PTDSS1: variants seen among roughly 807,000 people sequenced by gnomAD.
PTDSS1 encodes phosphatidylserine synthase 1.
In PTDSS1, 45 loss-of-function variants were observed where a neutral mutation model predicts 70.5. That is an observed-to-expected ratio of 0.64 (90% CI 0.50 to 0.82). PTDSS1 has a LOEUF of 0.82. Among genes scored for constraint, PTDSS1 ranks in the 40% least tolerant of loss-of-function variants. The pLI is 0.00. For synonymous variants in PTDSS1, 188 were observed against 203.8 expected (o/e 0.92, Z 0.66); for missense variants, 417 against 586.1 (o/e 0.71, Z 2.98).
rs1360525782 is a variant in PTDSS1 at position 96,296,288 on chromosome 8, G to A, written c.600+1032G>A. On this transcript the variant is annotated intron_variant, in intron 5 of 12. Transcript: ENST00000517309. The stretch of plus-strand genomic sequence containing the variant: ...CGAGTAGCTGGAACTACAGGCGTGT[G>A]CCACCACGCCCAGCTAATTTTTGGT... Among the ~76,000 whole-genome samples the A allele has an allele frequency of 2.6e-5, 4 of 151,946 alleles. No homozygotes were observed. The East Asian group carries it at 5.8e-4, about 22-fold the overall frequency.
At chr8:96,316,373 G>A (rs924405851) in intron 9 of PTDSS1, among the ~76,000 whole-genome samples, 1 of 152,166 alleles carries the variant, frequency 6.6e-6, no homozygotes, top group African/African-American at 2.4e-5. Flanking sequence ...AGACACCATG[G>A]AATAATACAC....
At chr8:96,325,817 G>A (rs2130172507) in intron 10 of PTDSS1, among the ~76,000 whole-genome samples, 1 of 152,298 alleles carries the variant, frequency 6.6e-6, no homozygotes, top group Non-Finnish European at 1.5e-5. Flanking sequence ...AGATAAGCAA[G>A]ATAGAGGAAA....
In PTDSS1 at chr8:96,272,456, A is replaced by G. The variant is rs558930050; in HGVS notation, c.180-843A>G. ...AACCTACATATTGTGTGTCCTGTCA[A>G]TGTCTTTTATACCAACCCTGTGCCT... is the stretch of plus-strand genomic sequence containing the variant. On this transcript the variant is annotated intron_variant, in intron 1 of 12. Coordinates refer to ENST00000517309, the MANE Select transcript of PTDSS1 (RefSeq NM_014754.3). Among the ~76,000 whole-genome samples the G allele has an allele frequency of 7.2e-5, 11 of 152,294 alleles. No individual in the cohort carries two copies. In the South Asian group the frequency reaches 8.3e-4, roughly 11 times the overall value.
intron 2 of PTDSS1, among the ~76,000 whole-genome samples, chr8:96,276,983 C>CAT (rs1246934589): frequency 1.2e-3 from 67 of 55,470 alleles, no homozygotes; most frequent in Non-Finnish European, 3.0e-3. Context: ...CGCGCGCGCA[C>CAT]ACACACACAC....
At chr8:96,264,588 A>G (rs1457901332) in intron 1 of PTDSS1, among the ~76,000 whole-genome samples, 4 of 152,208 alleles carry the variant, frequency 2.6e-5, no homozygotes, top group Non-Finnish European at 4.4e-5. Flanking sequence ...TAGAAAAATA[A>G]TTATGGTATT....
intron 9 of PTDSS1, among the ~76,000 whole-genome samples, chr8:96,319,684 A>G (rs564786529): frequency 1.1e-4 from 17 of 152,314 alleles, no homozygotes; most frequent in African/African-American, 3.8e-4. Context: ...CCTGTGTGGC[A>G]GCCACCTAGC....
chr8:96,270,569 G>A (rs572305139), intron 1 of PTDSS1, among the ~76,000 whole-genome samples: 11 of 152,256 alleles, frequency 7.2e-5, no homozygotes, highest in South Asian at 2.1e-4. Context: ...CTCTGCTCTC[G>A]AAACTCACAG....
chr8:96,267,829 G>A (rs531405254), intron 1 of PTDSS1, among the ~76,000 whole-genome samples: 2 of 152,214 alleles, frequency 1.3e-5, no homozygotes, highest in South Asian at 2.1e-4. Flanking sequence ...GGCAGCTCAC[G>A]TGTCCCATAC....
intron 9 of PTDSS1, among the ~76,000 whole-genome samples, chr8:96,316,853 G>A (rs1039283561): frequency 1.3e-5 from 2 of 151,970 alleles, no homozygotes; most frequent in Non-Finnish European, 2.9e-5. Context: ...AATTAGCCAG[G>A]TGTGGTGGCA....
At chr8:96,272,313 ATCTT>A (rs1810578184) in intron 1 of PTDSS1, among the ~76,000 whole-genome samples, 1 of 151,854 alleles carries the variant, frequency 6.6e-6, no homozygotes, top group Non-Finnish European at 1.5e-5. Context: ...AATTTTTTGA[ATCTT>A]TAATTTTAAT....
chr8:96,288,676 C>T (rs1266687702), intron 4 of PTDSS1, among the ~76,000 whole-genome samples: 1 of 133,864 alleles, frequency 7.5e-6, no homozygotes, highest in East Asian at 2.2e-4. Flanking sequence ...GTCGCCCAGG[C>T]TGGAGCACAG....
At chr8:96,270,773 AG>A (rs1308119415) in intron 1 of PTDSS1, among the ~76,000 whole-genome samples, 23 of 152,218 alleles carry the variant, frequency 1.5e-4, no homozygotes, top group African/African-American at 5.3e-4. Context: ...CCAACTTTTC[AG>A]AACCACCTGC....
At chr8:96,314,716 C>T (rs1811260643) in intron 9 of PTDSS1, among the ~76,000 whole-genome samples, 1 of 152,324 alleles carries the variant, frequency 6.6e-6, no homozygotes, top group South Asian at 2.1e-4. Context: ...CCTGCCTCAG[C>T]GTCCTGAGTA....
At chr8:96,287,341 A>C in intron 4 of PTDSS1, 195 bp downstream of exon 4, 1 of 664,066 alleles carries the variant, frequency 1.5e-6, no homozygotes, top group African/African-American at 1.8e-5. Flanking sequence ...AAATCCTCTC[A>C]TTACGCAAAG....
At chr8:96,295,798 G>A (rs1318375709) in intron 5 of PTDSS1, among the ~76,000 whole-genome samples, 2 of 152,154 alleles carry the variant, frequency 1.3e-5, no homozygotes, top group Non-Finnish European at 1.5e-5. Flanking sequence ...ACTCATTATT[G>A]TTCTATTATT....
At chr8:96,291,349 A>G (rs1810900246) in intron 4 of PTDSS1, among the ~76,000 whole-genome samples, 1 of 152,194 alleles carries the variant, frequency 6.6e-6, no homozygotes, top group African/African-American at 2.4e-5. Flanking sequence ...ACCCAGTGTC[A>G]GTATTATTGA....
At chr8:96,293,149 G>A (rs1421790829) in intron 4 of PTDSS1, among the ~76,000 whole-genome samples, 4 of 152,204 alleles carry the variant, frequency 2.6e-5, no homozygotes, top group East Asian at 1.9e-4. Context: ...CTCTGTAGTC[G>A]TAAGCTAGAT....
chr8:96,306,532 G>T lies in PTDSS1; in HGVS notation c.983G>T (p.Gly328Val). 6.2e-7 allele frequency: 1 copy of T among 1,613,328 alleles called. No individual in the cohort carries two copies. Among genetic ancestry groups the T allele is most frequent in the Non-Finnish European group, 8.5e-7 (1 of 1,179,374 alleles). The change falls in exon 8 of 13, where the codon GGT becomes GTT. Residue 328 changes from glycine to valine, a missense_variant. Gly to Val is a moderately radical substitution (Grantham distance 109, BLOSUM62 -3). Around this residue, in one of 3 missense-constraint regions of PTDSS1, gnomAD observed 272 missense variants for 429.5 expected, o/e 0.63. Coordinates refer to ENST00000517309, the MANE Select transcript of PTDSS1 (RefSeq NM_014754.3). ...PLSWGRILFI[G>V]GITAPTVRQY... ...AGTTGGGGTAGAATTCTCTTTATTG[G>T]TGGCATCACAGCTCCCACAGTGAGG...
chr8:96,266,845 A>G (rs191838682), intron 1 of PTDSS1, among the ~76,000 whole-genome samples: 11 of 152,190 alleles, frequency 7.2e-5, no homozygotes, highest in African/African-American at 2.6e-4. Flanking sequence ...ATTTTTTCTT[A>G]TACTGATTTC....
Sources: allele counts gnomAD v4.1 joint callset (sites outside exome capture counted in the v4.1 genomes callset), GRCh38; gene constraint gnomAD v4.1.1; regional missense constraint gnomAD v4.1.1; transcripts MANE v1.5; gene names NCBI Gene and HGNC (gene_info 2026-07-23, HGNC 2026-07-21).